The following TIRAP variants were observed in gnomAD, a reference collection of about 807,000 sequenced individuals.
The protein encoded by TIRAP is TIR domain containing adaptor protein.
Under a neutral mutation model 19.8 loss-of-function variants are expected in TIRAP, and 20 were observed. The observed-to-expected ratio is 1.01, with a 90% confidence interval of 0.71 to 1.47. The LOEUF is 1.47. Among genes scored for constraint, TIRAP ranks in the 40% most tolerant of loss-of-function variants. TIRAP has a pLI of 0.00. For missense variants in TIRAP, 276 were observed against 285.1 expected (o/e 0.97, Z 0.23); for synonymous variants, 125 against 121.7 (o/e 1.03, Z -0.18).
rs929337624 is a variant in TIRAP, at chr11:126,283,100, C to T, written c.-270C>T. On this transcript the variant is annotated 5_prime_UTR_variant, in exon 1 of 5. Transcript: ENST00000392679. ...AGCGGGGCCTGCGCGCTGCTCTTCC[C>T]CGCGGAGCCCGCGCAGTCCGCGCAG... 2.0e-6 allele frequency: 2 copies of T among 985,154 alleles called. No homozygotes were observed. Among genetic ancestry groups the T allele is most frequent in the Admixed American group, 1.2e-4 (2 of 16,244 alleles). The allele number at this position is 985,154 out of a possible 1,614,324, so 61.0% of individuals were successfully genotyped here.
rs1468117346 is a variant in TIRAP at position 126,287,788 on chromosome 11, C to G, written c.-216-2674C>G. Among the ~76,000 whole-genome samples the G allele has an allele frequency of 6.6e-6, 1 of 152,164 alleles. No individual in the cohort carries two copies. The highest frequency in any genetic ancestry group is 1.5e-5 in the Non-Finnish European group (1 of 68,034). On this transcript the variant is annotated intron_variant, in intron 1 of 4. Transcript: ENST00000392679. The surrounding 1 kb of genome is among the most constrained non-coding windows in gnomAD (Gnocchi z 4.2). ...TATTTTTTTGAGATCGAGTCTCGCT[C>G]TGTCACCCAGGCTGGAGCACAGTGG...
Position 126,290,085 on chromosome 11 carries a change from C to T in TIRAP, c.-216-377C>T, listed in dbSNP as rs1291076573. On this transcript the variant is annotated intron_variant, in intron 1 of 4. Coordinates refer to ENST00000392679, the MANE Select transcript of TIRAP (RefSeq NM_001318777.2). This position sits in a 1 kb window ranked among gnomAD's most constrained non-coding sequence, Gnocchi z 4.9. ...ACATTTTCTAAGCATTTATTACATG[C>T]CAGGCACCATTAGGACTTTACATAA... Among the ~76,000 whole-genome samples, 2 of 152,142 alleles carry T rather than the reference C, an allele frequency of 1.3e-5. No homozygotes were observed. Among genetic ancestry groups the T allele is most frequent in the African/African-American group, 4.8e-5 (2 of 41,434 alleles).
chr11:126,292,043 C>T (rs1315707592), intron 3 of TIRAP, among the ~76,000 whole-genome samples: 1 of 151,996 alleles, frequency 6.6e-6, no homozygotes, highest in African/African-American at 2.4e-5. Context: ...CAGTGGCTCA[C>T]GCCTGTAATC....
Position 126,287,129 on chromosome 11 carries a change from G to A in TIRAP, c.-216-3333G>A, listed in dbSNP as rs1425083286. The stretch of plus-strand genomic sequence containing the variant: ...AAGGTAACATATTCTCAGTTCCGGG[G>A]ATTAGGATGTGGGCCTCTTTGTGGG... On this transcript the variant is annotated intron_variant, in intron 1 of 4. Transcript: ENST00000392679. The surrounding 1 kb of genome is among the most constrained non-coding windows in gnomAD (Gnocchi z 4.2). 6.6e-6 allele frequency among the ~76,000 whole-genome samples: 1 copy of A among 152,194 alleles called. No individual in the cohort carries two copies. The highest frequency in any genetic ancestry group is 6.5e-5 in the Admixed American group (1 of 15,270).
chr11:126,288,237 T>C lies in TIRAP; in HGVS notation c.-216-2225T>C, dbSNP rs1333207676. On this transcript the variant is annotated intron_variant, in intron 1 of 4. Coordinates refer to ENST00000392679, the MANE Select transcript of TIRAP (RefSeq NM_001318777.2). This position sits in a 1 kb window ranked among gnomAD's most constrained non-coding sequence, Gnocchi z 5.0. ...TACAAAGTGGGTATTTTTGGTATGA[T>C]TCTACTTTATGAATTTTTTCAAAGC... is the stretch of plus-strand genomic sequence containing the variant. Among the ~76,000 whole-genome samples the C allele has an allele frequency of 2.0e-5, 3 of 152,232 alleles. No individual in the cohort carries two copies. The highest frequency in any genetic ancestry group is 4.4e-5 in the Non-Finnish European group (3 of 68,046).
Position 126,289,709 on chromosome 11 carries a change from C to G in TIRAP, c.-216-753C>G, listed in dbSNP as rs569197366. The G allele has an allele frequency of 8.1e-6, 8 of 985,464 alleles. No individual in the cohort carries two copies. In the African/African-American group the frequency reaches 1.2e-4, roughly 15 times the overall value. 61.0% of individuals were successfully genotyped at this position (985,464 alleles called of 1,614,324 possible). A position where few individuals can be genotyped will look rare whatever the true frequency, so the allele number is the denominator to read the frequency against. On this transcript the variant is annotated intron_variant, in intron 1 of 4. Transcript: ENST00000392679. The stretch of plus-strand genomic sequence containing the variant: ...GCCCTGTGCCAGTTGCTCTGCCAGC[C>G]TTTCACAGGAGAAGTGTCACTAGAA...
In TIRAP at chr11:126,287,192, A is replaced by T. The variant is rs903424201; in HGVS notation, c.-216-3270A>T. ...CTACCCCAGATAGTGATTCCTGCTT[A>T]ACAGAAATCGAATATGAACTCTAAG... On this transcript the variant is annotated intron_variant, in intron 1 of 4. Coordinates refer to ENST00000392679, the MANE Select transcript of TIRAP (RefSeq NM_001318777.2). This position sits in a 1 kb window ranked among gnomAD's most constrained non-coding sequence, Gnocchi z 4.2. Among the ~76,000 whole-genome samples the T allele has an allele frequency of 2.0e-5, 3 of 152,212 alleles. No individual in the cohort carries two copies. The highest frequency in any genetic ancestry group is 4.8e-5 in the African/African-American group (2 of 41,456).
Position 126,292,929 on chromosome 11 carries a change from T to C in TIRAP, c.520T>C (p.Cys174Arg). 2 of 1,614,056 alleles carry C rather than the reference T, an allele frequency of 1.2e-6. No individual in the cohort carries two copies. Among genetic ancestry groups the C allele is most frequent in the Non-Finnish European group, 8.5e-7 (1 of 1,179,976 alleles). Reference sequence around the variant, plus strand: ...GACCGAGGCTCCAGGGGCCGAGGGCTGCACCATCCCCCTGCTGTCGGGCCT... The same window carrying C: ...GACCGAGGCTCCAGGGGCCGAGGGCCGCACCATCCCCCTGCTGTCGGGCCT... ...ALTEAPGAEG[C>R]TIPLLSGLSR... The change falls in exon 4 of 5, where the codon TGC (cysteine) becomes CGC (arginine). Residue 174 changes from cysteine to arginine, a missense_variant. Cys to Arg is a radical substitution (Grantham distance 180). Coordinates refer to ENST00000392679, the MANE Select transcript of TIRAP (RefSeq NM_001318777.2).
intron 4 of TIRAP, 80 bp from the exon 5 acceptor site, chr11:126,293,584 AAAAG>A (rs772034271): frequency 1.1e-4 from 170 of 1,521,412 alleles, no homozygotes; most frequent in Non-Finnish European, 1.5e-4. Context: ...GTAATAGATA[AAAAG>A]ATAGAAGAGG....
intron 1 of TIRAP, among the ~76,000 whole-genome samples, chr11:126,285,386 C>T (rs1591371476): frequency 6.6e-6 from 1 of 151,632 alleles, no homozygotes; most frequent in Admixed American, 6.6e-5. Context: ...TTTAGCCTCC[C>T]GAGTAGCTGG....
At chr11:126,286,353 AGTCT>A (rs1175010692) in intron 1 of TIRAP, among the ~76,000 whole-genome samples, 2 of 152,106 alleles carry the variant, frequency 1.3e-5, no homozygotes, top group Non-Finnish European at 2.9e-5. Flanking sequence ...TAATGGAATG[AGTCT>A]GTCTGAAAAA....
In TIRAP at chr11:126,293,852, G is replaced by A. The variant is rs1372256759; in HGVS notation, c.*165G>A. ...GCACCCATCAGGCTTCCATTACTGT[G>A]GGCTCCCTAAGAAGACCATGGAGAG... On this transcript the variant is annotated 3_prime_UTR_variant, in exon 5 of 5. Transcript: ENST00000392679. 1.3e-6 allele frequency: 1 copy of A among 764,020 alleles called. No individual in the cohort carries two copies. Among genetic ancestry groups the A allele is most frequent in the Admixed American group, 2.1e-5 (1 of 48,088 alleles). The allele number at this position is 764,020 out of a possible 1,614,324, so 47.3% of individuals were successfully genotyped here. A position where few individuals can be genotyped will look rare whatever the true frequency, so the allele number is the denominator to read the frequency against.
At chr11:126,284,848 C>A (rs1475923864) in intron 1 of TIRAP, among the ~76,000 whole-genome samples, 1 of 123,662 alleles carries the variant, frequency 8.1e-6, no homozygotes, top group Non-Finnish European at 1.9e-5. Flanking sequence ...AGGGAGACTC[C>A]GTCTCAAAAA....
At chr11:126,289,598 C>G (rs774614099) in intron 1 of TIRAP, 1 of 961,836 alleles carries the variant, frequency 1.0e-6, no homozygotes. Context: ...AATTTTGAAA[C>G]CTTTTATTTT....
intron 1 of TIRAP, among the ~76,000 whole-genome samples, chr11:126,285,039 G>A (rs1951303128): frequency 6.6e-6 from 1 of 151,872 alleles, no homozygotes; most frequent in African/African-American, 2.4e-5. Flanking sequence ...ATTTGGCTGA[G>A]TGCCCAGCAG....
chr11:126,287,318 A>C lies in TIRAP; in HGVS notation c.-216-3144A>C, dbSNP rs1290047945. 6.8e-6 allele frequency among the ~76,000 whole-genome samples: 1 copy of C among 147,492 alleles called. No individual in the cohort carries two copies. Among genetic ancestry groups the C allele is most frequent in the Non-Finnish European group, 1.5e-5 (1 of 66,488 alleles). On this transcript the variant is annotated intron_variant, in intron 1 of 4. Transcript: ENST00000392679. The surrounding 1 kb of genome is among the most constrained non-coding windows in gnomAD (Gnocchi z 4.2). ...ATATTGGATACTAAATACACTTTGGATTTTTTTTTTTTTATTTTTGAGACT... is the reference window on the plus strand; with the variant it reads ...ATATTGGATACTAAATACACTTTGGCTTTTTTTTTTTTTATTTTTGAGACT...
intron 1 of TIRAP, among the ~76,000 whole-genome samples, chr11:126,286,887 G>GA (rs1951328591): frequency 6.6e-6 from 1 of 152,190 alleles, no homozygotes; most frequent in African/African-American, 2.4e-5. Context: ...AAGGCTCCAG[G>GA]AAAGAACCCA....
chr11:126,284,447 G>A (rs1024569793), intron 1 of TIRAP, among the ~76,000 whole-genome samples: 1 of 152,160 alleles, frequency 6.6e-6, no homozygotes, highest in Non-Finnish European at 1.5e-5. Flanking sequence ...TGTATGGCTA[G>A]ACCACAATTT....
intron 1 of TIRAP, among the ~76,000 whole-genome samples, chr11:126,283,950 GACT>G (rs1312762604): frequency 6.6e-6 from 1 of 151,750 alleles, no homozygotes; most frequent in Non-Finnish European, 1.5e-5. Flanking sequence ...AATAAAACAT[GACT>G]ACATCCCTGG....
Sources: gnomAD v4.1 joint callset for allele counts (sites outside exome capture counted in the v4.1 genomes callset) on GRCh38, gnomAD v4.1.1 for gene constraint, Gnocchi (gnomAD v3.1) non-coding constraint, MANE v1.5 for transcripts, NCBI Gene and HGNC (gene_info 2026-07-23, HGNC 2026-07-21) for gene names.